The following DGKH variants were observed in gnomAD, a reference collection of about 807,000 sequenced individuals.
The protein encoded by DGKH is DAG kinase eta.
In DGKH, 90 loss-of-function variants were observed where a neutral mutation model predicts 159.3. The ratio of observed to expected loss-of-function variants is 0.57; its 90% confidence interval spans 0.48 to 0.67. The LOEUF (loss-of-function observed/expected upper bound fraction) is 0.67. DGKH is among the 30% of genes least tolerant of loss of function. The pLI, the probability that DGKH is intolerant of heterozygous loss-of-function variation, is 0.00. For missense variants in DGKH, 1,181 were observed against 1,506.1 expected, an observed-to-expected ratio of 0.78 and a Z score of 3.57; for synonymous variants, 536 against 553.8, an observed-to-expected ratio of 0.97 and a Z score of 0.45.
intron 30 of DGKH, among the ~76,000 whole-genome samples, chr13:42,255,565 G>T (rs1958651421): frequency 1.3e-5 from 2 of 152,104 alleles, no homozygotes; most frequent in Non-Finnish European, 2.9e-5. Flanking sequence ...TTTGGGCAAT[G>T]TCAGCCATGT....
Position 42,064,725 on chromosome 13 carries a change from A to G in DGKH, c.192+15760A>G, listed in dbSNP as rs909716479. On this transcript the variant is annotated intron_variant, in intron 1 of 29. Coordinates refer to ENST00000337343, the MANE Select transcript of DGKH (RefSeq NM_178009.5). The stretch of plus-strand genomic sequence containing the variant: ...CTGTATAATTTTAATGATTTTAGAT[A>G]TGCATTAGAGATGCGTTAATAACAG... Among the ~76,000 whole-genome samples the G allele has an allele frequency of 2.0e-5, 3 of 152,350 alleles. No individual in the cohort carries two copies. In the South Asian group the frequency reaches 6.2e-4, roughly 32 times the overall value.
chr13:42,108,024 A>G (rs1443706787), intron 1 of DGKH, among the ~76,000 whole-genome samples: 1 of 152,172 alleles, frequency 6.6e-6, no homozygotes, highest in African/African-American at 2.4e-5. Flanking sequence ...CCTCTGCTTT[A>G]TTACGAGTCC....
chr13:42,115,830 C>T (rs1306489114), intron 1 of DGKH, among the ~76,000 whole-genome samples: 1 of 151,920 alleles, frequency 6.6e-6, no homozygotes, highest in Non-Finnish European at 1.5e-5. Context: ...TAATTTTGTC[C>T]ACAGTGGAAG....
At chr13:42,082,233 C>G (rs189326262) in intron 1 of DGKH, among the ~76,000 whole-genome samples, 9 of 152,060 alleles carry the variant, frequency 5.9e-5, no homozygotes, top group African/African-American at 1.7e-4. Flanking sequence ...ACTTGTCTAC[C>G]TTGCTCAGTC....
chr13:42,123,514 C>T (rs1044916879), intron 1 of DGKH, among the ~76,000 whole-genome samples: 28 of 147,366 alleles, frequency 1.9e-4, no homozygotes, highest in African/African-American at 6.8e-4. Flanking sequence ...TCAGGATCCT[C>T]TGCTCTTCAA....
chr13:42,222,107 G>C (rs980733312), intron 29 of DGKH, among the ~76,000 whole-genome samples: 1 of 152,128 alleles, frequency 6.6e-6, no homozygotes, highest in Non-Finnish European at 1.5e-5. Flanking sequence ...TTATTCTGTG[G>C]GTGAAGTCTC....
At position 42,188,976 on chromosome 13, in the gene DGKH, T is replaced by C. The variant is rs975543355; in HGVS notation, c.1639-60T>C. On this transcript the variant is annotated intron_variant, in intron 14 of 29. Coordinates refer to ENST00000337343, the MANE Select transcript of DGKH (RefSeq NM_178009.5). The stretch of plus-strand genomic sequence containing the variant: ...ACATCTCTATAAAAATTTCTTGTAC[T>C]TTGTCTGCTGATCTTGATTCTTTTT... 3.2e-6 allele frequency: 5 copies of C among 1,557,666 alleles called. No homozygotes were observed. In the African/African-American group the frequency reaches 6.9e-5, roughly 21 times the overall value.
At chr13:42,144,555 C>T (rs1490746271) in intron 3 of DGKH, among the ~76,000 whole-genome samples, 6 of 151,854 alleles carry the variant, frequency 4.0e-5, no homozygotes, top group African/African-American at 1.5e-4. Flanking sequence ...GGCATGGTGG[C>T]GCGTGCCTGT....
At chr13:42,138,180 T>C in intron 3 of DGKH, 1 of 897,168 alleles carries the variant, frequency 1.1e-6, no homozygotes, top group Non-Finnish European at 1.3e-6. Context: ...GCACAGCTAA[T>C]ATGGAATTCA....
Position 42,219,802 on chromosome 13 carries a change from G to A in DGKH, c.3442+8G>A. On this transcript the variant is annotated splice_region_variant and intron_variant, in intron 28 of 29. Coordinates refer to ENST00000337343, the MANE Select transcript of DGKH (RefSeq NM_178009.5). ...AGACAAGTTCACAGCCTGGTAGGTG[G>A]TCCATATGGAAGGGGAAATATAACA... is the stretch of plus-strand genomic sequence containing the variant. 6 of 1,610,294 alleles carry A rather than the reference G, an allele frequency of 3.7e-6. No individual in the cohort carries two copies. The highest frequency in any genetic ancestry group is 5.1e-6 in the Non-Finnish European group (6 of 1,177,242).
Position 42,219,253 on chromosome 13 carries a change from G to A in DGKH, c.3237G>A (p.Glu1079=). The part of the protein sequence containing the change: ...VPLQLESPHE[E]RVSNALHSVE... ...AGCAGCTGGAATCGCCACATGAAGA[G>A]CGAGTATCCAATGCCTTACACTCTG... Residue 1079 remains glutamate (E), a synonymous_variant, in exon 27 of 30, where the codon GAG becomes GAA. Coordinates refer to ENST00000337343, the MANE Select transcript of DGKH (RefSeq NM_178009.5). 3.1e-6 allele frequency: 5 copies of A among 1,613,774 alleles called. No homozygotes were observed. The highest frequency in any genetic ancestry group is 4.2e-6 in the Non-Finnish European group (5 of 1,179,858).
chr13:42,200,030 A>C (rs562836259), intron 20 of DGKH, 121 bp downstream of exon 20: 94 of 771,156 alleles, frequency 1.2e-4, no homozygotes, highest in Non-Finnish European at 1.7e-4. Flanking sequence ...AAGGGGAAAA[A>C]TGAATGTGAT....
chr13:42,061,483 A>C (rs1201183080), intron 1 of DGKH, among the ~76,000 whole-genome samples: 1 of 152,194 alleles, frequency 6.6e-6, no homozygotes. Context: ...ATTTCTTCTT[A>C]ACTCCTATAT....
Position 42,233,975 on chromosome 13 carries a change from T to G in DGKH, c.*4787T>G, listed in dbSNP as rs1043029716. 1 of 152,226 alleles carries G rather than the reference T, an allele frequency of 6.6e-6. No individual in the cohort carries two copies. The highest frequency in any genetic ancestry group is 2.4e-5 in the African/African-American group (1 of 41,466). 9.4% of individuals were successfully genotyped at this position (152,226 alleles called of 1,614,324 possible). A position where few individuals can be genotyped will look rare whatever the true frequency, so the allele number is the denominator to read the frequency against. ...AAGAAAAGGAATGAACCAAGATGAT[T>G]GCAAGTTAATCTCATTTAAGCCCTC... On this transcript the variant is annotated 3_prime_UTR_variant, in exon 30 of 30. Transcript: ENST00000337343.
In DGKH at chr13:42,086,541, A is replaced by T. The variant is rs1954305229; in HGVS notation, c.192+37576A>T. Among the ~76,000 whole-genome samples, 2 of 152,370 alleles carry T rather than the reference A, an allele frequency of 1.3e-5. 1 individual carries two copies. Among genetic ancestry groups the T allele is most frequent in the Middle Eastern group, 6.8e-3 (2 of 294 alleles). ...TTTTCTCAAGCAAACAACAAAAATC[A>T]GTTATAATATGTTCTTTTAAAATTG... On this transcript the variant is annotated intron_variant, in intron 1 of 29. Transcript: ENST00000337343.
Position 42,069,671 on chromosome 13 carries a change from C to T in DGKH, c.192+20706C>T, listed in dbSNP as rs1882825633. The T allele has an allele frequency of 2.5e-6, 3 of 1,213,020 alleles. No homozygotes were observed. The African/African-American group carries it at 4.6e-5, about 19-fold the overall frequency. The allele number at this position is 1,213,020 out of a possible 1,614,324, so 75.1% of individuals were successfully genotyped here. ...CTTTGTTCTTTCCAATTGGAAAGAT[C>T]TGTAATAAGCTTGGGTTCATAGTAA... On this transcript the variant is annotated intron_variant, in intron 1 of 29. Coordinates refer to ENST00000337343, the MANE Select transcript of DGKH (RefSeq NM_178009.5).
At chr13:42,151,671 C>T (rs1330427466) in intron 3 of DGKH, among the ~76,000 whole-genome samples, 2 of 150,322 alleles carry the variant, frequency 1.3e-5, no homozygotes, top group African/African-American at 4.9e-5. Context: ...ATCACATTTT[C>T]TTTATGCAAT....
At chr13:42,248,437 T>A (rs931800991) in intron 29 of DGKH, among the ~76,000 whole-genome samples, 23 of 146,800 alleles carry the variant, frequency 1.6e-4, no homozygotes, top group Admixed American at 4.8e-4. Context: ...AAAAAATATA[T>A]ATATAATATA....
chr13:42,206,975 T>TTTTCCTTC (rs1555275941), intron 21 of DGKH, among the ~76,000 whole-genome samples: 2 of 82,310 alleles, frequency 2.4e-5, no homozygotes, highest in Non-Finnish European at 4.8e-5. Context: ...TACTTTTACT[T>TTTTCCTTC]TTTCTTTCTT....
Sources: allele counts gnomAD v4.1 joint callset (sites outside exome capture counted in the v4.1 genomes callset), GRCh38; gene constraint gnomAD v4.1.1; transcripts MANE v1.5; gene names NCBI Gene and HGNC (gene_info 2026-07-23, HGNC 2026-07-21).